Variants in CDH12 observed in about 807,000 individuals in gnomAD.
CDH12 encodes cadherin-12.
CDH12 carries 41 observed loss-of-function variants against 74.1 expected under a neutral mutation model. The ratio of observed to expected loss-of-function variants is 0.55; its 90% confidence interval spans 0.43 to 0.72. CDH12 has a LOEUF of 0.72. Among genes scored for constraint, CDH12 ranks in the 30% least tolerant of loss-of-function variants. The pLI is 0.00. For missense variants in CDH12, 945 were observed against 977.2 expected (o/e 0.97, Z 0.44); for synonymous variants, 399 against 355.0 (o/e 1.12, Z -1.39).
intron 4 of CDH12, among the ~76,000 whole-genome samples, chr5:22,153,889 A>ATATATGTATATATAT (rs1561168560): frequency 7.1e-5 from 3 of 42,060 alleles, no homozygotes; most frequent in African/African-American, 1.3e-4. Flanking sequence ...TATATATATA[A>ATATATGTATATATAT]ATATATATAT....
chr5:21,859,098 T>A (rs1222804302), intron 6 of CDH12, among the ~76,000 whole-genome samples: 1 of 151,932 alleles, frequency 6.6e-6, no homozygotes, highest in Non-Finnish European at 1.5e-5. Context: ...CTAACTGAAA[T>A]TGTGTATACT....
At chr5:21,931,843 C>A (rs1579980783) in intron 6 of CDH12, among the ~76,000 whole-genome samples, 2 of 152,066 alleles carry the variant, frequency 1.3e-5, no homozygotes, top group African/African-American at 4.8e-5. Context: ...TCCTGTTTAA[C>A]CTCATTAGTA....
At chr5:22,435,679 C>T (rs1175775292) in intron 2 of CDH12, among the ~76,000 whole-genome samples, 1 of 151,966 alleles carries the variant, frequency 6.6e-6, no homozygotes. Context: ...CCACGAGATT[C>T]GAAATTACGG....
intron 11 of CDH12, among the ~76,000 whole-genome samples, chr5:21,780,261 C>G (rs1410646401): frequency 6.6e-6 from 1 of 152,170 alleles, no homozygotes; most frequent in Non-Finnish European, 1.5e-5. Context: ...TAATAACTAA[C>G]AAATTAGGAT....
chr5:22,697,971 A>C (rs1218010415), intron 1 of CDH12, among the ~76,000 whole-genome samples: 1 of 152,034 alleles, frequency 6.6e-6, no homozygotes, highest in Non-Finnish European at 1.5e-5. Flanking sequence ...TCTCACCCCC[A>C]GGACTGGAAG....
At chr5:22,109,159 T>C (rs531368553) in intron 4 of CDH12, among the ~76,000 whole-genome samples, 1 of 152,298 alleles carries the variant, frequency 6.6e-6, no homozygotes, top group South Asian at 2.1e-4. Context: ...TCCATGCATC[T>C]CTTGTGTTTC....
chr5:21,917,077 T>C (rs997334816), intron 6 of CDH12, among the ~76,000 whole-genome samples: 9 of 152,202 alleles, frequency 5.9e-5, no homozygotes, highest in African/African-American at 2.2e-4. Context: ...CCCCCTTTTC[T>C]GGTCCTCTCA....
At chr5:21,868,403 C>T (rs952619485) in intron 6 of CDH12, among the ~76,000 whole-genome samples, 2 of 152,134 alleles carry the variant, frequency 1.3e-5, no homozygotes, top group African/African-American at 4.8e-5. Context: ...AACTGTAGGG[C>T]CATCAGCATG....
chr5:21,900,715 G>A (rs959099516), intron 6 of CDH12, among the ~76,000 whole-genome samples: 20 of 152,020 alleles, frequency 1.3e-4, no homozygotes, highest in Admixed American at 8.5e-4. Context: ...CCCCGACTCC[G>A]CCAGCCAATG....
chr5:22,165,843 C>T (rs371277272), intron 4 of CDH12, among the ~76,000 whole-genome samples: 11 of 152,300 alleles, frequency 7.2e-5, no homozygotes, highest in African/African-American at 2.2e-4. Context: ...CTTCCACCAG[C>T]GCTAGGACAG....
chr5:22,184,067 G>C (rs1367954536), intron 4 of CDH12, among the ~76,000 whole-genome samples: 3 of 151,956 alleles, frequency 2.0e-5, no homozygotes, highest in Non-Finnish European at 4.4e-5. Context: ...ACCTGGGTCT[G>C]ACCTTCCAGT....
chr5:22,698,138 T>TTTTTTTTTGGTGGG (rs1742479426), intron 1 of CDH12, among the ~76,000 whole-genome samples: 1 of 143,062 alleles, frequency 7.0e-6, no homozygotes. Flanking sequence ...TTTTTTTTTT[T>TTTTTTTTTGGTGGG]GAGATGGAGT....
chr5:21,883,868 T>G (rs537772855), intron 6 of CDH12: 164 of 1,607,496 alleles, frequency 1.0e-4, no homozygotes, highest in Middle Eastern at 1.0e-3. Context: ...ATGCCCTTAA[T>G]GCTACAAGAG....
chr5:22,024,219 T>C (rs1019952883), intron 5 of CDH12, among the ~76,000 whole-genome samples: 3 of 152,210 alleles, frequency 2.0e-5, no homozygotes, highest in African/African-American at 7.2e-5. Context: ...TTATCTTGTA[T>C]AATACATTAA....
At chr5:22,637,620 A>C (rs994511208) in intron 1 of CDH12, among the ~76,000 whole-genome samples, 3 of 152,246 alleles carry the variant, frequency 2.0e-5, no homozygotes, top group Non-Finnish European at 4.4e-5. Flanking sequence ...TAGGATCATC[A>C]GATGATTAGG....
chr5:22,013,469 C>A (rs916435438), intron 5 of CDH12, among the ~76,000 whole-genome samples: 3 of 152,010 alleles, frequency 2.0e-5, no homozygotes, highest in African/African-American at 7.2e-5. Context: ...TGAATGCATG[C>A]ATATTCTTAA....
chr5:22,333,699 G>T (rs1418114564), intron 3 of CDH12, among the ~76,000 whole-genome samples: 1 of 152,124 alleles, frequency 6.6e-6, no homozygotes, highest in Non-Finnish European at 1.5e-5. Context: ...CTAAAGGTCA[G>T]TATTTTTAAC....
At chr5:22,530,397 A>G (rs922469041) in intron 1 of CDH12, among the ~76,000 whole-genome samples, 1 of 152,152 alleles carries the variant, frequency 6.6e-6, no homozygotes, top group African/African-American at 2.4e-5. Context: ...TTTTTGCTTC[A>G]GATGTTTGTA....
intron 4 of CDH12, among the ~76,000 whole-genome samples, chr5:22,180,474 A>C (rs2150336991): frequency 6.6e-6 from 1 of 150,906 alleles, no homozygotes; most frequent in East Asian, 1.9e-4. Flanking sequence ...TCAATACAAA[A>C]ATCACAGTTT....
Sources: gnomAD v4.1 joint callset for allele counts (sites outside exome capture counted in the v4.1 genomes callset) on GRCh38, gnomAD v4.1.1 for gene constraint, MANE v1.5 for transcripts, NCBI Gene and HGNC (gene_info 2026-07-23, HGNC 2026-07-21) for gene names.